The following HDAC9 variants were observed in gnomAD, a reference collection of about 807,000 sequenced individuals.
HDAC9 encodes MEF-2 interacting transcription repressor (MITR) protein.
Under a neutral mutation model 139.4 loss-of-function variants are expected in HDAC9, and 41 were observed. The observed-to-expected ratio is 0.29, with a 90% confidence interval of 0.23 to 0.38. The LOEUF (loss-of-function observed/expected upper bound fraction) is 0.38. HDAC9 is among the 10% of genes least tolerant of loss of function. The probability of loss-of-function intolerance (pLI) is 1.00; values close to 1 mark genes in which losing one functional copy is unlikely to be tolerated. For missense variants in HDAC9, 1,147 were observed against 1,297.0 expected, an observed-to-expected ratio of 0.88 and a Z score of 1.78; for synonymous variants, 517 against 476.2, an observed-to-expected ratio of 1.09 and a Z score of -1.12.
intron 21 of HDAC9, among the ~76,000 whole-genome samples, chr7:18,865,246 A>T (rs1798404359): frequency 6.6e-6 from 1 of 152,218 alleles, no homozygotes; most frequent in Admixed American, 6.5e-5. Flanking sequence ...GGGTGAGAAC[A>T]GTGGAGGTGT....
intron 1 of HDAC9, among the ~76,000 whole-genome samples, chr7:18,348,672 A>G (rs1402679624): frequency 6.6e-6 from 1 of 152,190 alleles, no homozygotes; most frequent in Admixed American, 6.5e-5. Flanking sequence ...ATCCTTTAAC[A>G]ACTTTTAGGA....
At chr7:18,316,840 A>G (rs983799922) in intron 1 of HDAC9, among the ~76,000 whole-genome samples, 1 of 151,030 alleles carries the variant, frequency 6.6e-6, no homozygotes, top group Non-Finnish European at 1.5e-5. Context: ...AAGAAAATAA[A>G]TCCAGCACTT....
intron 1 of HDAC9, among the ~76,000 whole-genome samples, chr7:18,455,766 T>C (rs1034644827): frequency 6.6e-6 from 1 of 152,274 alleles, no homozygotes; most frequent in East Asian, 1.9e-4. Context: ...CCATAAATTA[T>C]TGAAAAGCAC....
At chr7:18,894,982 G>GA (rs1301884321) in intron 22 of HDAC9, among the ~76,000 whole-genome samples, 4 of 152,040 alleles carry the variant, frequency 2.6e-5, no homozygotes, top group African/African-American at 9.7e-5. Flanking sequence ...TTTTCTCAGT[G>GA]AAACAGGAAC....
At chr7:18,091,057 G>A (rs1336933081) in intron 1 of HDAC9, among the ~76,000 whole-genome samples, 2 of 152,192 alleles carry the variant, frequency 1.3e-5, no homozygotes, top group African/African-American at 4.8e-5. Context: ...TAATTCTGTA[G>A]ATAATGGTAA....
chr7:18,611,739 T>C (rs566157218), intron 6 of HDAC9, among the ~76,000 whole-genome samples: 5 of 152,276 alleles, frequency 3.3e-5, no homozygotes, highest in Admixed American at 2.6e-4. Context: ...TAGTGACTTA[T>C]AACAGTTTAG....
intron 1 of HDAC9, among the ~76,000 whole-genome samples, chr7:18,432,876 G>A (rs959779649): frequency 3.9e-5 from 6 of 151,936 alleles, no homozygotes; most frequent in Middle Eastern, 3.4e-3. Flanking sequence ...GCATGAACCC[G>A]GGAGGCGGAG....
chr7:18,994,965 T>C (rs1292297484), intron 25 of HDAC9, among the ~76,000 whole-genome samples: 35 of 152,190 alleles, frequency 2.3e-4, no homozygotes, highest in Admixed American at 2.3e-3. Flanking sequence ...TTTTTCCTTC[T>C]GGTAGCAAAG....
intron 21 of HDAC9, among the ~76,000 whole-genome samples, chr7:18,845,015 A>G (rs1476432284): frequency 6.6e-6 from 1 of 152,158 alleles, no homozygotes; most frequent in Non-Finnish European, 1.5e-5. Context: ...GAACAGAGAT[A>G]ATAAAATCTG....
intron 22 of HDAC9, chr7:18,907,146 G>A (rs1443272996): frequency 3.3e-5 from 5 of 152,202 alleles, no homozygotes; most frequent in African/African-American, 1.2e-4. Context: ...GAGGGTAGGA[G>A]TCAATCCTGC....
At chr7:18,974,959 A>C (rs952796993) in intron 24 of HDAC9, among the ~76,000 whole-genome samples, 6 of 152,178 alleles carry the variant, frequency 3.9e-5, no homozygotes, top group African/African-American at 1.4e-4. Flanking sequence ...CTTGCCAACT[A>C]GTCAGGCTGC....
At chr7:18,732,997 G>GTA (rs1786455292) in intron 13 of HDAC9, among the ~76,000 whole-genome samples, 3 of 141,406 alleles carry the variant, frequency 2.1e-5, no homozygotes, top group Non-Finnish European at 4.6e-5. Flanking sequence ...GTGTGTATGT[G>GTA]TATATACACA....
intron 1 of HDAC9, among the ~76,000 whole-genome samples, chr7:18,303,446 A>ATCT: frequency 6.8e-6 from 1 of 148,118 alleles, no homozygotes. Context: ...ATGGGGTTTC[A>ATCT]CCGTGTTAGC....
At chr7:18,343,225 C>T (rs1034807729) in intron 1 of HDAC9, among the ~76,000 whole-genome samples, 2 of 151,616 alleles carry the variant, frequency 1.3e-5, no homozygotes, top group African/African-American at 4.8e-5. Flanking sequence ...TTTTTTTAGG[C>T]ATGTGTCACT....
intron 2 of HDAC9, among the ~76,000 whole-genome samples, chr7:18,171,810 T>A (rs1188443493): frequency 6.6e-6 from 1 of 152,218 alleles, no homozygotes; most frequent in Non-Finnish European, 1.5e-5. Flanking sequence ...TTGTTCGTGG[T>A]GGATAAGCAT....
At chr7:18,602,508 A>T in intron 6 of HDAC9, among the ~76,000 whole-genome samples, 1 of 147,316 alleles carries the variant, frequency 6.8e-6, no homozygotes, top group African/African-American at 2.5e-5. Context: ...TTAGATTGTT[A>T]TTTTTCCTCT....
At chr7:18,639,830 T>C (rs1388525699) in intron 8 of HDAC9, among the ~76,000 whole-genome samples, 2 of 151,906 alleles carry the variant, frequency 1.3e-5, no homozygotes, top group Non-Finnish European at 2.9e-5. Flanking sequence ...TGTTACCTGA[T>C]AGAGCTGGGC....
chr7:18,888,529 C>T (rs1800378970), intron 22 of HDAC9, among the ~76,000 whole-genome samples: 2 of 152,294 alleles, frequency 1.3e-5, no homozygotes, highest in East Asian at 1.9e-4. Context: ...TATTAATTTT[C>T]CTCCAAGTTG....
At chr7:18,388,265 G>T (rs1258295531) in intron 1 of HDAC9, among the ~76,000 whole-genome samples, 2 of 152,284 alleles carry the variant, frequency 1.3e-5, no homozygotes, top group African/African-American at 4.8e-5. Context: ...CCCCTGCCAT[G>T]ACTCCCTGAG....
Sources: allele counts gnomAD v4.1 joint callset (sites outside exome capture counted in the v4.1 genomes callset), GRCh38; gene constraint gnomAD v4.1.1; transcripts MANE v1.5; gene names NCBI Gene and HGNC (gene_info 2026-07-23, HGNC 2026-07-21).